The following CORO7 variants were observed in gnomAD, a reference collection of about 807,000 sequenced individuals.
CORO7 encodes the protein coronin-7.
In CORO7, 107 loss-of-function variants were observed where a neutral mutation model predicts 126.6. The ratio of observed to expected loss-of-function variants is 0.85; its 90% CI spans 0.72 to 0.99. The LOEUF is 0.99. Ranked by LOEUF, CORO7 falls within the 50% of genes least tolerant of loss-of-function variation. CORO7 has a pLI of 0.00. For missense variants in CORO7, 1,314 were observed against 1,255.8 expected (o/e 1.05, Z -0.70); for synonymous variants, 603 against 536.8 (o/e 1.12, Z -1.70).
intron 6 of CORO7, among the ~76,000 whole-genome samples, chr16:4,395,622 T>A (rs1031024894): frequency 8.5e-5 from 13 of 152,146 alleles, no homozygotes; most frequent in Non-Finnish European, 1.9e-4. Flanking sequence ...ACGTCAGGCA[T>A]CCCAGACACT....
Position 4,359,331 on chromosome 16 carries a change from C to G in CORO7, c.2305G>C (p.Glu769Gln). 1 of 1,612,372 alleles carries G rather than the reference C, an allele frequency of 6.2e-7. No homozygotes were observed. Among genetic ancestry groups the G allele is most frequent in the Non-Finnish European group, 8.5e-7 (1 of 1,179,598 alleles). ...TCAGGCGACGTGAAGCTGTTGCACT[C>G]CAGGAAGAAAGGGGACTCGGGGAGC... ...ELLPESPFFL[E>Q]CNSFTSPDPH... The change falls in exon 23 of 28, where the codon GAG becomes CAG. Residue 769 changes from glutamate to glutamine, a missense_variant. Coordinates refer to ENST00000251166, the MANE Select transcript of CORO7 (RefSeq NM_024535.5).
intron 9 of CORO7, chr16:4,383,486 A>G (rs2055079032): frequency 6.0e-6 from 1 of 167,074 alleles, no homozygotes; most frequent in Non-Finnish European, 1.5e-5. Flanking sequence ...AAACGATGAT[A>G]TGAAGGCCTT....
intron 2 of CORO7, 51 bp downstream of exon 2, chr16:4,413,257 G>A (rs2056280847): frequency 6.6e-7 from 1 of 1,521,450 alleles, no homozygotes; most frequent in Admixed American, 2.0e-5. Context: ...CATCTATGGT[G>A]ACGATGACCG....
chr16:4,364,364 G>A lies in CORO7; in HGVS notation c.1187C>T (p.Thr396Ile). 2.0e-6 allele frequency: 3 copies of A among 1,521,014 alleles called. No individual in the cohort carries two copies. Among genetic ancestry groups the A allele is most frequent in the Non-Finnish European group, 8.8e-7 (1 of 1,137,170 alleles). The allele number at this position is 1,521,014 out of a possible 1,614,324, so 94.2% of individuals were successfully genotyped here. A position where few individuals can be genotyped will look rare whatever the true frequency, so the allele number is the denominator to read the frequency against. Residue 396 changes from threonine to isoleucine, a missense_variant, in exon 14 of 28, where the codon ACT (threonine) becomes ATT (isoleucine). Transcript: ENST00000251166. ...CTCCGCAGGGGGCACCAGACAGGAAGTGAAGCTCGGGTGGGGCCGGCAGGC... is the reference window on the plus strand; with the variant it reads ...CTCCGCAGGGGGCACCAGACAGGAAATGAAGCTCGGGTGGGGCCGGCAGGC... ...NPACRPHPSFTSCLVPPAEPL... is the reference protein window; with the variant it reads ...NPACRPHPSFISCLVPPAEPL...
At chr16:4,391,636 C>T (rs2055394227) in intron 7 of CORO7, among the ~76,000 whole-genome samples, 1 of 151,976 alleles carries the variant, frequency 6.6e-6, no homozygotes, top group Admixed American at 6.5e-5. Flanking sequence ...GAGGCTGACG[C>T]AGGAGGATTG....
intron 9 of CORO7, among the ~76,000 whole-genome samples, chr16:4,369,208 T>C (rs1219248715): frequency 6.6e-6 from 1 of 152,256 alleles, no homozygotes; most frequent in Non-Finnish European, 1.5e-5. Context: ...TGGACAACTC[T>C]GCCAGGCAGG....
intron 9 of CORO7, among the ~76,000 whole-genome samples, chr16:4,369,428 G>A (rs1327743767): frequency 6.6e-6 from 1 of 152,210 alleles, no homozygotes; most frequent in Admixed American, 6.5e-5. Context: ...TGGAATCTGG[G>A]CCTGCCACTG....
intron 1 of CORO7, chr16:4,415,597 T>G: frequency 2.5e-6 from 1 of 395,408 alleles, no homozygotes; most frequent in Non-Finnish European, 3.4e-6. Flanking sequence ...GGAAATATAG[T>G]CCACACTACA....
intron 6 of CORO7, among the ~76,000 whole-genome samples, chr16:4,403,855 C>A (rs575470831): frequency 1.3e-5 from 2 of 152,302 alleles, no homozygotes; most frequent in South Asian, 4.1e-4. Flanking sequence ...CAGGCCATCC[C>A]CTCTGCCTGG....
At chr16:4,387,815 G>T in intron 9 of CORO7, 171 bp downstream of exon 9, 1 of 768,038 alleles carries the variant, frequency 1.3e-6, no homozygotes, top group Non-Finnish European at 2.1e-6. Flanking sequence ...ACATCTGGAA[G>T]CTCCGGGGGT....
At chr16:4,404,471 GC>G (rs2055923524) in intron 6 of CORO7, among the ~76,000 whole-genome samples, 1 of 152,162 alleles carries the variant, frequency 6.6e-6, no homozygotes, top group African/African-American at 2.4e-5. Flanking sequence ...TATGTGGTCA[GC>G]AAATCAAACA....
At chr16:4,382,146 G>A (rs1204755843) in intron 9 of CORO7, 2 of 1,591,904 alleles carry the variant, frequency 1.3e-6, no homozygotes, top group Non-Finnish European at 1.7e-6. Context: ...GCCACCTGGG[G>A]ACACGGCACC....
intron 9 of CORO7, among the ~76,000 whole-genome samples, chr16:4,387,151 G>A (rs1246004337): frequency 6.6e-6 from 1 of 151,832 alleles, no homozygotes; most frequent in Non-Finnish European, 1.5e-5. Flanking sequence ...TCTCCACCCC[G>A]GCCCTGCCTG....
intron 5 of CORO7, among the ~76,000 whole-genome samples, chr16:4,406,215 G>T (rs2055992335): frequency 6.6e-6 from 1 of 152,180 alleles, no homozygotes; most frequent in South Asian, 2.1e-4. Context: ...GGCCAGGCTG[G>T]TCTCGAACTC....
chr16:4,411,079 C>A (rs1355320123), intron 3 of CORO7, among the ~76,000 whole-genome samples: 1 of 152,136 alleles, frequency 6.6e-6, no homozygotes, highest in African/African-American at 2.4e-5. Flanking sequence ...GCACATGACT[C>A]GGTCACTTTA....
rs547935838 is a variant in CORO7, at chr16:4,375,879, G to A, written c.786-10334C>T. Among the ~76,000 whole-genome samples, 28 of 152,304 alleles carry A rather than the reference G, an allele frequency of 1.8e-4. 1 individual carries two copies. Among genetic ancestry groups the A allele is most frequent in the African/African-American group, 5.3e-4 (22 of 41,574 alleles). On this transcript the variant is annotated intron_variant, in intron 9 of 27. Coordinates refer to ENST00000251166, the MANE Select transcript of CORO7 (RefSeq NM_024535.5). ...GGATGATTCTGATGTGCAGCCCGGC[G>A]GGCAAAGCCCTGGCGTCACAGGTGG...
chr16:4,382,003 G>C, intron 9 of CORO7: 1 of 1,605,684 alleles, frequency 6.2e-7, no homozygotes, highest in Non-Finnish European at 8.5e-7. Flanking sequence ...TTCTAGCTTG[G>C]CTCCTACCTG....
chr16:4,362,204 C>T lies in CORO7; in HGVS notation c.1403-44G>A, dbSNP rs771185685. The T allele has an allele frequency of 6.4e-7, 1 of 1,573,224 alleles. No individual in the cohort carries two copies. Among genetic ancestry groups the T allele is most frequent in the Non-Finnish European group, 8.6e-7 (1 of 1,159,456 alleles). ...ATGGAACCACGTGTGAGGATGCCGT[C>T]CCCGCCCGCCCTGCACTCTTTGAGT... On this transcript the variant is annotated intron_variant, in intron 15 of 27. Coordinates refer to ENST00000251166, the MANE Select transcript of CORO7 (RefSeq NM_024535.5). This position sits in a 1 kb window ranked among gnomAD's most constrained non-coding sequence, Gnocchi z 5.3.
At chr16:4,403,236 A>G (rs2055877922) in intron 6 of CORO7, among the ~76,000 whole-genome samples, 2 of 152,182 alleles carry the variant, frequency 1.3e-5, no homozygotes, top group African/African-American at 4.8e-5. Context: ...ACTCATGGGC[A>G]TCACTGGCTG....
Sources: gnomAD v4.1 joint callset for allele counts (sites outside exome capture counted in the v4.1 genomes callset) on GRCh38, gnomAD v4.1.1 for gene constraint, Gnocchi (gnomAD v3.1) non-coding constraint, MANE v1.5 for transcripts, NCBI Gene and HGNC (gene_info 2026-07-23, HGNC 2026-07-21) for gene names.